CATSPERB: variants seen among roughly 807,000 people sequenced by gnomAD.
The protein encoded by CATSPERB is catsper channel auxiliary subunit beta, also known as cation channel sperm-associated auxiliary subunit beta.
In CATSPERB, 93 loss-of-function variants were observed where a neutral mutation model predicts 128.3. The observed-to-expected ratio is 0.72, with a 90% CI of 0.61 to 0.86. The LOEUF (loss-of-function observed/expected upper bound fraction) is 0.86, where lower values mean the gene tolerates loss of function less well. Ranked by LOEUF, CATSPERB falls within the 40% of genes least tolerant of loss-of-function variation. The pLI is 0.00. For synonymous variants in CATSPERB, 381 were observed against 448.8 expected, an observed-to-expected ratio of 0.85 and a Z score of 1.91; for missense variants, 1,153 against 1,329.5, an observed-to-expected ratio of 0.87 and a Z score of 2.06.
At chr14:91,615,964 C>A (rs1893928893) in intron 20 of CATSPERB, among the ~76,000 whole-genome samples, 1 of 151,096 alleles carries the variant, frequency 6.6e-6, no homozygotes, top group African/African-American at 2.4e-5. Flanking sequence ...ACTGCAACTT[C>A]CGCCTCCCGT....
At chr14:91,594,411 GGCA>G (rs1349059276) in intron 22 of CATSPERB, among the ~76,000 whole-genome samples, 2 of 151,684 alleles carry the variant, frequency 1.3e-5, no homozygotes, top group Non-Finnish European at 2.9e-5. Flanking sequence ...ACACCAACAT[GGCA>G]CATGTATACA....
At chr14:91,603,571 C>T (rs555373911) in intron 22 of CATSPERB, 29 of 665,122 alleles carry the variant, frequency 4.4e-5, no homozygotes, top group East Asian at 1.8e-4. Flanking sequence ...GCCTGAGAAG[C>T]GCGCACTGCC....
At chr14:91,616,159 G>C (rs376289163) in intron 20 of CATSPERB, among the ~76,000 whole-genome samples, 1 of 152,174 alleles carries the variant, frequency 6.6e-6, no homozygotes, top group Non-Finnish European at 1.5e-5. Flanking sequence ...GGGATTGCAG[G>C]CGTGAGCCAC....
intron 19 of CATSPERB, among the ~76,000 whole-genome samples, chr14:91,619,232 A>T (rs1893998419): frequency 6.6e-6 from 1 of 152,220 alleles, no homozygotes; most frequent in Non-Finnish European, 1.5e-5. Context: ...CAGCAGAGAA[A>T]GGATGCATTA....
At chr14:91,622,530 G>A (rs954885716) in intron 18 of CATSPERB, among the ~76,000 whole-genome samples, 3 of 152,136 alleles carry the variant, frequency 2.0e-5, no homozygotes, top group Admixed American at 2.0e-4. Flanking sequence ...ATGAAGCCAA[G>A]GAAGGCTGTT....
At chr14:91,692,635 C>T (rs1322966823) in intron 9 of CATSPERB, among the ~76,000 whole-genome samples, 1 of 152,100 alleles carries the variant, frequency 6.6e-6, no homozygotes, top group Non-Finnish European at 1.5e-5. Flanking sequence ...GTCTTTATTG[C>T]TTGTCTCATC....
intron 15 of CATSPERB, among the ~76,000 whole-genome samples, chr14:91,652,053 G>T (rs1158032397): frequency 3.9e-5 from 6 of 152,076 alleles, no homozygotes; most frequent in Non-Finnish European, 8.8e-5. Flanking sequence ...AATACAAGAA[G>T]TAAAAAGTGC....
chr14:91,586,515 T>C (rs1236960783), intron 26 of CATSPERB, among the ~76,000 whole-genome samples: 2 of 140,732 alleles, frequency 1.4e-5, no homozygotes, highest in Admixed American at 7.6e-5. Flanking sequence ...AGAGCCATTA[T>C]TGGAGCTGGC....
intron 22 of CATSPERB, among the ~76,000 whole-genome samples, chr14:91,594,130 T>C (rs1344426465): frequency 1.3e-5 from 2 of 152,150 alleles, no homozygotes; most frequent in African/African-American, 2.4e-5. Flanking sequence ...ATATATACCA[T>C]GGAATACTAT....
At position 91,621,896 on chromosome 14, in the gene CATSPERB, C is replaced by G. The variant is rs1354953085; in HGVS notation, c.1972G>C (p.Val658Leu). 1 of 1,612,932 alleles carries G rather than the reference C, an allele frequency of 6.2e-7. No individual in the cohort carries two copies. Among genetic ancestry groups the G allele is most frequent in the Admixed American group, 1.7e-5 (1 of 59,898 alleles). ...LFEDTDIEKTVVLPGYSSFLI... is the reference protein window; with the variant it reads ...LFEDTDIEKTLVLPGYSSFLI... ...AAGCTGCTGTACCCGGGAAGCACTACAGTCTTCTCTATATCTGTATCTTCA... is the reference window on the plus strand; with the variant it reads ...AAGCTGCTGTACCCGGGAAGCACTAGAGTCTTCTCTATATCTGTATCTTCA... Residue 658 changes from valine to leucine, a missense_variant, in exon 19 of 27, where the codon GTA (valine) becomes CTA (leucine). Transcript: ENST00000256343.
intron 6 of CATSPERB, among the ~76,000 whole-genome samples, chr14:91,706,724 T>TTCTCCTGTCTTCAGCA (rs1895738909): frequency 6.6e-6 from 1 of 152,228 alleles, no homozygotes; most frequent in Non-Finnish European, 1.5e-5. Context: ...CAGTGTCTGC[T>TTCTCCTGTCTTCAGCA]TCTCCTGTCT....
At chr14:91,652,506 A>C (rs1412428167) in intron 15 of CATSPERB, among the ~76,000 whole-genome samples, 5 of 74,148 alleles carry the variant, frequency 6.7e-5, no homozygotes, top group African/African-American at 2.8e-4. Flanking sequence ...TAACAATACA[A>C]AAAAAAAAAA....
At chr14:91,703,012 T>C (rs1895676902) in intron 7 of CATSPERB, among the ~76,000 whole-genome samples, 1 of 152,106 alleles carries the variant, frequency 6.6e-6, no homozygotes, top group Non-Finnish European at 1.5e-5. Flanking sequence ...TTTTTATACA[T>C]TGTTATTCTA....
Position 91,704,706 on chromosome 14 carries a change from G to A in CATSPERB, c.467-5C>T, listed in dbSNP as rs771402829. 6 of 1,608,660 alleles carry A rather than the reference G, an allele frequency of 3.7e-6. No individual in the cohort carries two copies. In the Admixed American group the frequency reaches 8.5e-5, roughly 23 times the overall value. ...GAGTCCACTGAAGAATCGGTTCTGT[G>A]GAAATCAAATTTGGGTGTTTAAATT... is the stretch of plus-strand genomic sequence containing the variant. On this transcript the variant is annotated splice_polypyrimidine_tract_variant and splice_region_variant and intron_variant, in intron 6 of 26. Transcript: ENST00000256343.
At chr14:91,590,586 AC>A (rs1893379314) in intron 23 of CATSPERB, among the ~76,000 whole-genome samples, 1 of 152,198 alleles carries the variant, frequency 6.6e-6, no homozygotes, top group Admixed American at 6.5e-5. Context: ...CTGACTCTAC[AC>A]CAACATATTG....
At chr14:91,588,215 T>G (rs1249020186) in intron 24 of CATSPERB, 137 bp from the exon 25 acceptor site, 12 of 618,504 alleles carry the variant, frequency 1.9e-5, no homozygotes, top group Non-Finnish European at 3.1e-5. Flanking sequence ...AATATAAAAT[T>G]TGTCATGCAC....
At chr14:91,693,575 A>G (rs1895508880) in intron 7 of CATSPERB, 96 bp from the exon 8 acceptor site, 4 of 782,694 alleles carry the variant, frequency 5.1e-6, no homozygotes, top group East Asian at 2.5e-5. Flanking sequence ...ACTCCCTCTC[A>G]GCACTATGAC....
chr14:91,657,396 A>G (rs1001055094), intron 15 of CATSPERB, among the ~76,000 whole-genome samples: 3 of 27,874 alleles, frequency 1.1e-4, no homozygotes, highest in African/African-American at 1.7e-4. Flanking sequence ...TAAAAACTAT[A>G]AAAAAAAACT....
chr14:91,694,615 A>G (rs1286936013), intron 7 of CATSPERB, among the ~76,000 whole-genome samples: 4 of 152,146 alleles, frequency 2.6e-5, no homozygotes, highest in Non-Finnish European at 5.9e-5. Context: ...AATTTTTAAA[A>G]ACTCCAAAGA....
Sources: allele counts gnomAD v4.1 joint callset (sites outside exome capture counted in the v4.1 genomes callset), GRCh38; gene constraint gnomAD v4.1.1; transcripts MANE v1.5; gene names NCBI Gene and HGNC (gene_info 2026-07-23, HGNC 2026-07-21).